Variants in CTNNA2 observed in about 807,000 individuals in gnomAD.
CTNNA2 encodes catenin alpha-2.
A neutral mutation model predicts 101.0 loss-of-function variants in CTNNA2; 42 were observed. The ratio of observed to expected loss-of-function variants is 0.42; its 90% CI spans 0.32 to 0.54. CTNNA2 has a LOEUF of 0.54. Among genes scored for constraint, CTNNA2 ranks in the 20% least tolerant of loss-of-function variants. The pLI, the probability that CTNNA2 is intolerant of heterozygous loss-of-function variation, is 0.14. For missense variants in CTNNA2, 871 were observed against 1,223.1 expected, an observed-to-expected ratio of 0.71 and a Z score of 4.29; for synonymous variants, 450 against 456.4, an observed-to-expected ratio of 0.99 and a Z score of 0.18.
intron 2 of CTNNA2, among the ~76,000 whole-genome samples, chr2:79,229,790 G>T (rs1471012602): frequency 2.0e-5 from 3 of 152,204 alleles, no homozygotes; most frequent in Non-Finnish European, 4.4e-5. Flanking sequence ...TAGCAATATG[G>T]ACAATAAAGT....
chr2:79,792,653 G>T (rs1470164813), intron 3 of CTNNA2, among the ~76,000 whole-genome samples: 2 of 152,104 alleles, frequency 1.3e-5, no homozygotes, highest in Non-Finnish European at 2.9e-5. Context: ...ATAGTGAAGA[G>T]ATCTCAGACT....
chr2:80,426,206 C>T (rs186520101), intron 9 of CTNNA2, among the ~76,000 whole-genome samples: 5 of 152,266 alleles, frequency 3.3e-5, no homozygotes, highest in East Asian at 1.9e-4. Context: ...TGGTACCTCA[C>T]GTCTAAGCCT....
chr2:79,744,525 G>A lies in CTNNA2; in HGVS notation c.241G>A (p.Glu81Lys), dbSNP rs2104991486. 1 of 1,614,064 alleles carries A rather than the reference G, an allele frequency of 6.2e-7. No homozygotes were observed. The highest frequency in any genetic ancestry group is 1.7e-4 in the Middle Eastern group (1 of 6,060). Residue 81 changes from glutamate to lysine, a missense_variant, in exon 3 of 19, where the codon GAG becomes AAG. By Grantham distance (56) the Glu-to-Lys change is moderately conservative. This residue lies in a region of CTNNA2 where 647 missense variants were observed against 831.5 expected (regional missense o/e 0.78). Transcript: ENST00000402739. ...GGAAAAGGGTGAACAGATCGCTAAG[G>A]AGAGTCAAGATCTCAAAGAAGAGTT... The part of the protein sequence containing the change: ...FLEKGEQIAK[E>K]SQDLKEELVA...
At chr2:80,091,246 C>T (rs1322573013) in intron 7 of CTNNA2, among the ~76,000 whole-genome samples, 3 of 152,062 alleles carry the variant, frequency 2.0e-5, no homozygotes, top group African/African-American at 4.8e-5. Context: ...CAGCTAAGAG[C>T]TACAATTTAT....
In CTNNA2 at chr2:79,205,665, G is replaced by T. The variant is rs182851011; in HGVS notation, c.-406+7589G>T. ...AAACCCAGGTGTTCACAAAGCATAG[G>T]TCCTCATTTCCCCTGAGCCCAACCT... is the stretch of plus-strand genomic sequence containing the variant. On this transcript the variant is annotated intron_variant, in intron 2 of 21. Coordinates refer to the CTNNA2 transcript ENST00000466387. Among the ~76,000 whole-genome samples, 10 of 152,258 alleles carry T rather than the reference G, an allele frequency of 6.6e-5. No individual in the cohort carries two copies. The East Asian group carries it at 1.9e-3, about 29-fold the overall frequency.
intron 9 of CTNNA2, among the ~76,000 whole-genome samples, chr2:80,541,123 A>G (rs1691516501): frequency 6.6e-6 from 1 of 152,216 alleles, no homozygotes; most frequent in Admixed American, 6.5e-5. Context: ...TGAGAAGCAG[A>G]GAAAGACAAG....
intron 15 of CTNNA2, among the ~76,000 whole-genome samples, chr2:80,591,694 A>G (rs1468080895): frequency 1.3e-5 from 2 of 151,826 alleles, no homozygotes; most frequent in South Asian, 2.1e-4. Flanking sequence ...GCCACTCTCC[A>G]TAATGTGTAT....
At chr2:79,233,279 A>G (rs1251062897) in intron 2 of CTNNA2, among the ~76,000 whole-genome samples, 1 of 152,068 alleles carries the variant, frequency 6.6e-6, no homozygotes, top group Admixed American at 6.6e-5. Context: ...ATTTCAAATG[A>G]TTTTTTACTT....
Position 80,647,953 on chromosome 2 carries a change from C to T in CTNNA2, c.*81C>T, listed in dbSNP as rs1026146770. On this transcript the variant is annotated 3_prime_UTR_variant, in exon 19 of 19. Transcript: ENST00000402739. Reference sequence around the variant, plus strand: ...TTTAATTCCATTTTTGTATGCATACCTGCCAGCTCGTATGCCTCTGGCATG... The same window carrying T: ...TTTAATTCCATTTTTGTATGCATACTTGCCAGCTCGTATGCCTCTGGCATG... 2 of 1,353,762 alleles carry T rather than the reference C, an allele frequency of 1.5e-6. No individual in the cohort carries two copies. The highest frequency in any genetic ancestry group is 1.0e-6 in the Non-Finnish European group (1 of 996,584). 83.9% of individuals were successfully genotyped at this position (1,353,762 alleles called of 1,614,324 possible).
chr2:79,345,904 T>C (rs2104433799), intron 3 of CTNNA2, among the ~76,000 whole-genome samples: 1 of 151,742 alleles, frequency 6.6e-6, no homozygotes, highest in Middle Eastern at 3.4e-3. Flanking sequence ...CTCACCATTT[T>C]GCCCAGGCTG....
chr2:79,445,511 G>A (rs569619478), intron 4 of CTNNA2, among the ~76,000 whole-genome samples: 22 of 152,280 alleles, frequency 1.4e-4, no homozygotes, highest in African/African-American at 5.1e-4. Flanking sequence ...AAAGGGTGAA[G>A]TGATAAGTGT....
intron 4 of CTNNA2, among the ~76,000 whole-genome samples, chr2:79,380,718 T>C (rs1678029049): frequency 6.6e-6 from 1 of 152,230 alleles, no homozygotes; most frequent in South Asian, 2.1e-4. Flanking sequence ...TCCACAGGAA[T>C]ATTTACCAAG....
At chr2:79,259,842 A>T (rs192776605) in intron 2 of CTNNA2, among the ~76,000 whole-genome samples, 1 of 152,314 alleles carries the variant, frequency 6.6e-6, no homozygotes, top group East Asian at 1.9e-4. Context: ...ACTTACCAAG[A>T]GATGGTCTGG....
chr2:79,315,065 T>C (rs1263805492), intron 3 of CTNNA2, among the ~76,000 whole-genome samples: 1 of 152,172 alleles, frequency 6.6e-6, no homozygotes, highest in Non-Finnish European at 1.5e-5. Flanking sequence ...TTGGGTGTAA[T>C]AGGTGCACCT....
chr2:79,636,011 C>A (rs1310284154), intron 1 of CTNNA2, among the ~76,000 whole-genome samples: 2 of 150,092 alleles, frequency 1.3e-5, no homozygotes, highest in African/African-American at 4.9e-5. Context: ...CCTGTCATCC[C>A]AGCACTTTGG....
intron 7 of CTNNA2, among the ~76,000 whole-genome samples, chr2:79,991,725 T>C (rs1259535270): frequency 6.6e-6 from 1 of 152,192 alleles, no homozygotes; most frequent in Non-Finnish European, 1.5e-5. Flanking sequence ...TGAGATGCAC[T>C]GGTGGCCTCC....
At chr2:79,752,695 T>C (rs1238395672) in intron 3 of CTNNA2, among the ~76,000 whole-genome samples, 3 of 152,138 alleles carry the variant, frequency 2.0e-5, no homozygotes, top group Non-Finnish European at 4.4e-5. Flanking sequence ...CTGCACATAG[T>C]GAGCACTTCA....
rs141200300 is a variant in CTNNA2 at position 79,836,882 on chromosome 2, G to A, written c.299-21131G>A. 4.6e-3 allele frequency among the ~76,000 whole-genome samples: 705 copies of A among 152,116 alleles called. 7 individuals are homozygous for A. The highest frequency in any genetic ancestry group is 0.015 in the African/African-American group (608 of 41,510). On this transcript the variant is annotated intron_variant, in intron 3 of 18. Transcript: ENST00000402739. ...CCTTCTGGGCTCTAATGATCCTCCC[G>A]CCTCAGCCTCCTGTCTTCTCTTCTT...
intron 9 of CTNNA2, among the ~76,000 whole-genome samples, chr2:80,502,585 A>G (rs1446740881): frequency 6.6e-6 from 1 of 152,148 alleles, no homozygotes; most frequent in Non-Finnish European, 1.5e-5. Flanking sequence ...CCTCTTCCTC[A>G]AAGCTGGTTT....
Sources: gnomAD v4.1 joint callset for allele counts (sites outside exome capture counted in the v4.1 genomes callset) on GRCh38, gnomAD v4.1.1 for gene constraint, gnomAD v4.1.1 regional missense constraint, MANE v1.5 for transcripts, NCBI Gene and HGNC (gene_info 2026-07-23, HGNC 2026-07-21) for gene names.